GPD2: variants seen among roughly 807,000 people sequenced by gnomAD.
The protein encoded by GPD2 is glycerol-3-phosphate dehydrogenase 2.
A neutral mutation model predicts 82.4 loss-of-function variants in GPD2; 54 were observed. The ratio of observed to expected loss-of-function variants is 0.66; its 90% CI spans 0.53 to 0.82. The LOEUF (loss-of-function observed/expected upper bound fraction) is 0.82, where lower values mean the gene tolerates loss of function less well. Among genes scored for constraint, GPD2 ranks in the 40% least tolerant of loss-of-function variants. The pLI is 0.00. For synonymous variants in GPD2, 288 were observed against 306.1 expected (o/e 0.94, Z 0.62); for missense variants, 748 against 896.2 (o/e 0.83, Z 2.11).
chr2:156,413,455 G>A, the GPD2 span, among the ~76,000 whole-genome samples: 9 of 151,472 alleles, frequency 5.9e-5, no homozygotes, highest in Middle Eastern at 3.4e-3. Context: ...GTGGTGGTTC[G>A]TGCCTGTAGT....
intron 1 of GPD2, among the ~76,000 whole-genome samples, chr2:156,450,300 A>C (rs1350513847): frequency 6.6e-6 from 1 of 152,128 alleles, no homozygotes; most frequent in East Asian, 1.9e-4. Context: ...GGAGATTCTG[A>C]GAGGGGTTTG....
Position 156,571,289 on chromosome 2 carries a change from G to T in GPD2, c.1764G>T (p.Lys588Asn), listed in dbSNP as rs778289180. The T allele has an allele frequency of 2.5e-6, 4 of 1,599,370 alleles. No individual in the cohort carries two copies. The Admixed American group carries it at 5.1e-5, about 21-fold the overall frequency. Residue 588 changes from lysine (K) to asparagine (N), a missense_variant, in exon 13 of 17, where the codon AAG becomes AAT. Physicochemically the swap from Lys to Asn is moderately conservative, Grantham distance 94 (BLOSUM62 0). This residue lies in a region of GPD2 where 692 missense variants were observed against 809.7 expected (regional missense o/e 0.85). Transcript: ENST00000438166. ...AACTGAATTGGGATGATTATAAGAA[G>T]CAGGTATTATATAGAAGTCTTTAAA... The part of the protein sequence containing the change: ...GRELNWDDYK[K>N]QEQLETARKF...
intron 6 of GPD2, 98 bp from the exon 7 acceptor site, chr2:156,549,510 G>A: frequency 2.9e-6 from 3 of 1,029,696 alleles, no homozygotes; most frequent in Non-Finnish European, 4.6e-6. Context: ...CTGGGTGACA[G>A]GGACAGATGT....
At chr2:156,444,945 T>A (rs988209437) in intron 1 of GPD2, among the ~76,000 whole-genome samples, 1 of 152,118 alleles carries the variant, frequency 6.6e-6, no homozygotes, top group Non-Finnish European at 1.5e-5. Flanking sequence ...AGACAGTGTC[T>A]CACTATGTTG....
chr2:156,512,639 G>A (rs959624780), intron 5 of GPD2, among the ~76,000 whole-genome samples: 7 of 152,190 alleles, frequency 4.6e-5, no homozygotes, highest in African/African-American at 1.7e-4. Context: ...ATCATGTGCA[G>A]ACTGTAAATG....
chr2:156,526,710 C>T (rs530039891), intron 6 of GPD2, among the ~76,000 whole-genome samples: 2 of 152,192 alleles, frequency 1.3e-5, no homozygotes, highest in African/African-American at 4.8e-5. Flanking sequence ...CATTTTGAAG[C>T]TTGCAGTAAC....
chr2:156,579,418 T>A (rs1687949340), intron 15 of GPD2, among the ~76,000 whole-genome samples: 1 of 151,198 alleles, frequency 6.6e-6, no homozygotes, highest in East Asian at 1.9e-4. Context: ...AACCTCCTCC[T>A]CCTGGGTTCA....
intron 1 of GPD2, among the ~76,000 whole-genome samples, chr2:156,463,374 C>T (rs1683051761): frequency 6.6e-6 from 1 of 152,030 alleles, no homozygotes; most frequent in African/African-American, 2.4e-5. Context: ...GTGCCTGACA[C>T]ATGATGGATG....
chr2:156,461,693 C>T (rs984689334), intron 1 of GPD2, among the ~76,000 whole-genome samples: 2 of 152,182 alleles, frequency 1.3e-5, no homozygotes, highest in Non-Finnish European at 2.9e-5. Context: ...CCCAGTTATC[C>T]TCTAACCTAT....
At chr2:156,579,939 T>G in intron 16 of GPD2, 151 bp downstream of exon 16, 1 of 686,966 alleles carries the variant, frequency 1.5e-6, no homozygotes, top group Non-Finnish European at 2.7e-6. Flanking sequence ...GAGGTTGATA[T>G]GTCTGCCCTC....
At chr2:156,409,217 T>A in the GPD2 span, among the ~76,000 whole-genome samples, 4 of 152,224 alleles carry the variant, frequency 2.6e-5, no homozygotes, top group African/African-American at 4.8e-5. Flanking sequence ...TTGGTGATAC[T>A]TGTTATTGGC....
intron 9 of GPD2, among the ~76,000 whole-genome samples, chr2:156,567,220 AT>A (rs1188969940): frequency 6.6e-6 from 1 of 151,640 alleles, no homozygotes; most frequent in African/African-American, 2.4e-5. Context: ...TGTTTTATCT[AT>A]TTTTTTCTTT....
At chr2:156,541,076 T>C (rs1159888312) in intron 6 of GPD2, among the ~76,000 whole-genome samples, 1 of 152,260 alleles carries the variant, frequency 6.6e-6, no homozygotes, top group African/African-American at 2.4e-5. Context: ...TGTCATAGCA[T>C]CATTATCTAT....
intron 6 of GPD2, among the ~76,000 whole-genome samples, chr2:156,547,068 T>C (rs1686569721): frequency 6.6e-6 from 1 of 152,150 alleles, no homozygotes. Context: ...GTAATTACAG[T>C]GGGATGTAAG....
chr2:156,450,360 C>G (rs1002577923), intron 1 of GPD2, among the ~76,000 whole-genome samples: 4 of 152,042 alleles, frequency 2.6e-5, no homozygotes, highest in African/African-American at 4.8e-5. Flanking sequence ...ATATTTGATA[C>G]TGGATGGAGT....
upstream of GPD2, among the ~76,000 whole-genome samples, chr2:156,433,468 T>G (rs536637232): frequency 6.6e-6 from 1 of 152,068 alleles, no homozygotes; most frequent in Non-Finnish European, 1.5e-5. Flanking sequence ...CAGCTCCAAC[T>G]CCCTATGATT....
rs1688163170 is a variant in GPD2 at position 156,584,990 on chromosome 2, C to T, written c.*2072C>T. ...GTTAAACAGGCCTTGTTTGTGCATGCTTTGCTATGAATGAAGTTCCTTTAA... is the reference window on the plus strand; with the variant it reads ...GTTAAACAGGCCTTGTTTGTGCATGTTTTGCTATGAATGAAGTTCCTTTAA... On this transcript the variant is annotated 3_prime_UTR_variant, in exon 17 of 17. Coordinates refer to ENST00000438166, the MANE Select transcript of GPD2 (RefSeq NM_000408.5). 1 of 151,928 alleles carries T rather than the reference C, an allele frequency of 6.6e-6. No individual in the cohort carries two copies. Among genetic ancestry groups the T allele is most frequent in the Non-Finnish European group, 1.5e-5 (1 of 67,916 alleles). 9.4% of individuals were successfully genotyped at this position (151,928 alleles called of 1,614,324 possible). A position where few individuals can be genotyped will look rare whatever the true frequency, so the allele number is the denominator to read the frequency against.
At chr2:156,493,958 G>GTGTGTGTGTGTGTA (rs60643688) in intron 2 of GPD2, among the ~76,000 whole-genome samples, 4,175 of 143,398 alleles carry the variant, frequency 0.029, 80 homozygotes, top group East Asian at 0.1. Flanking sequence ...GTGTGTGTGT[G>GTGTGTGTGTGTGTA]TATAATTTTT....
intron 3 of GPD2, among the ~76,000 whole-genome samples, chr2:156,501,177 A>C (rs1246738072): frequency 6.6e-6 from 1 of 152,196 alleles, no homozygotes; most frequent in Non-Finnish European, 1.5e-5. Flanking sequence ...AAAATAAAAT[A>C]AGATCTGATG....
Sources: allele counts gnomAD v4.1 joint callset (sites outside exome capture counted in the v4.1 genomes callset), GRCh38; gene constraint gnomAD v4.1.1; regional missense constraint gnomAD v4.1.1; transcripts MANE v1.5; gene names NCBI Gene and HGNC (gene_info 2026-07-23, HGNC 2026-07-21).